NELL2: variants seen among roughly 807,000 people sequenced by gnomAD.
NELL2 encodes neural EGFL like 2.
Under a neutral mutation model 109.6 loss-of-function variants are expected in NELL2, and 41 were observed. The ratio of observed to expected loss-of-function variants is 0.37; its 90% CI spans 0.29 to 0.49. The LOEUF is 0.49. Ranked by LOEUF, NELL2 falls within the 20% of genes least tolerant of loss-of-function variation. The probability of loss-of-function intolerance (pLI) is 0.98; values close to 1 mark genes in which losing one functional copy is unlikely to be tolerated. For missense variants in NELL2, 900 were observed against 1,008.3 expected, an observed-to-expected ratio of 0.89 and a Z score of 1.45; for synonymous variants, 355 against 344.7, an observed-to-expected ratio of 1.03 and a Z score of -0.33.
intron 16 of NELL2, among the ~76,000 whole-genome samples, chr12:44,531,914 T>C (rs1268406175): frequency 6.6e-6 from 1 of 152,226 alleles, no homozygotes; most frequent in South Asian, 2.1e-4. Context: ...CTGCTTGCTC[T>C]GTCTGCCTGG....
chr12:44,833,879 GATTT>G (rs1369273838), intron 2 of NELL2, among the ~76,000 whole-genome samples: 2 of 152,280 alleles, frequency 1.3e-5, no homozygotes, highest in African/African-American at 4.8e-5. Context: ...AAGTTGTTAG[GATTT>G]AAAATCCTAT....
At chr12:44,641,225 G>A (rs1241650881) in intron 13 of NELL2, among the ~76,000 whole-genome samples, 1 of 152,116 alleles carries the variant, frequency 6.6e-6, no homozygotes, top group Non-Finnish European at 1.5e-5. Flanking sequence ...TCCAAAGCAC[G>A]AACCAGGAAC....
At chr12:44,877,521 T>C (rs1298948338), upstream of NELL2, among the ~76,000 whole-genome samples, 1 of 152,166 alleles carries the variant, frequency 6.6e-6, no homozygotes, top group East Asian at 1.9e-4. Context: ...GGGTACTGAA[T>C]TCTCCAACTG....
Position 44,855,190 on chromosome 12 carries a change from G to A in NELL2, c.184+20035C>T, listed in dbSNP as rs1174161711. Among the ~76,000 whole-genome samples, 4 of 152,204 alleles carry A rather than the reference G, an allele frequency of 2.6e-5. No individual in the cohort carries two copies. The South Asian group carries it at 6.2e-4, about 24-fold the overall frequency. ...ATTCAACAGCAATTGGTAGTTAGTGGCTACTGTATTGGAGAGCTCAGTTTG... is the reference window on the plus strand; with the variant it reads ...ATTCAACAGCAATTGGTAGTTAGTGACTACTGTATTGGAGAGCTCAGTTTG... On this transcript the variant is annotated intron_variant, in intron 2 of 19. Transcript: ENST00000429094.
chr12:44,626,296 C>G (rs375682176), intron 13 of NELL2, among the ~76,000 whole-genome samples: 4 of 152,164 alleles, frequency 2.6e-5, no homozygotes, highest in African/African-American at 9.7e-5. Context: ...TCTCTCTTCC[C>G]AATCACACTG....
chr12:44,912,668 C>T (rs1945792777), intron 1 of NELL2, among the ~76,000 whole-genome samples: 1 of 152,132 alleles, frequency 6.6e-6, no homozygotes, highest in Non-Finnish European at 1.5e-5. Flanking sequence ...TTATTTAGTA[C>T]CTTCTACATG....
chr12:44,901,061 AAGG>A (rs1433951199), intron 1 of NELL2, among the ~76,000 whole-genome samples: 1 of 152,174 alleles, frequency 6.6e-6, no homozygotes, highest in Non-Finnish European at 1.5e-5. Context: ...AGCAGAACTG[AAGG>A]AGGATAGAGA....
intron 9 of NELL2, among the ~76,000 whole-genome samples, chr12:44,748,694 G>C (rs765937815): frequency 6.6e-6 from 1 of 152,126 alleles, no homozygotes; most frequent in Admixed American, 6.6e-5. Flanking sequence ...CAGTCAGGCA[G>C]CTTTGGCTTA....
In NELL2 at chr12:44,703,947, A is replaced by G. The variant is rs1203943294; in HGVS notation, c.1190-93T>C. The G allele has an allele frequency of 2.7e-6, 3 of 1,091,464 alleles. No homozygotes were observed. The East Asian group carries it at 8.0e-5, about 29-fold the overall frequency. The allele number at this position is 1,091,464 out of a possible 1,614,324, so 67.6% of individuals were successfully genotyped here. The stretch of plus-strand genomic sequence containing the variant: ...TATTTTCTTTAATTTTGAAGCTATG[A>G]CTCCCTAAATAATTTTTTAATTAGT... On this transcript the variant is annotated intron_variant, in intron 11 of 19. Transcript: ENST00000429094.
chr12:44,799,763 C>T (rs1942769033), intron 3 of NELL2, among the ~76,000 whole-genome samples: 1 of 151,952 alleles, frequency 6.6e-6, no homozygotes, highest in East Asian at 1.9e-4. Flanking sequence ...ACATTTTATT[C>T]CAAGGCATTT....
rs544153318 is a variant in NELL2, at chr12:44,528,792, A to T, written c.1804+3789T>A. On this transcript the variant is annotated intron_variant, in intron 16 of 19. Coordinates refer to ENST00000429094, the MANE Select transcript of NELL2 (RefSeq NM_001145108.2). ...GTGAATAGAGTGTCAGAGGTGGGAG[A>T]CTATTTTAAATTAGCAGTCCAGGAG... 1.6e-3 allele frequency among the ~76,000 whole-genome samples: 246 copies of T among 152,336 alleles called. 2 individuals are homozygous for T. Among genetic ancestry groups the T allele is most frequent in the African/African-American group, 5.6e-3 (231 of 41,586 alleles).
chr12:44,541,586 A>T (rs1040758629), intron 15 of NELL2, among the ~76,000 whole-genome samples: 1 of 152,198 alleles, frequency 6.6e-6, no homozygotes, highest in African/African-American at 2.4e-5. Flanking sequence ...TCAGCTTCTG[A>T]TTAAAGAGAA....
upstream of NELL2, among the ~76,000 whole-genome samples, chr12:44,880,297 A>C (rs11182731): frequency 5.7e-3 from 863 of 152,182 alleles, 32 homozygotes; most frequent in East Asian, 0.12. Flanking sequence ...GTATGAGAAA[A>C]GAGTAGACAT....
At position 44,509,037 on chromosome 12, in the gene NELL2, T is replaced by C; in HGVS notation, c.2401-53A>G. ...ACAGTATGAATTTTTAAGCCATTAG[T>C]AAATGATCACATTTATTGATTGGTA... On this transcript the variant is annotated intron_variant, in intron 19 of 19. Coordinates refer to ENST00000429094, the MANE Select transcript of NELL2 (RefSeq NM_001145108.2). 4 of 1,445,854 alleles carry C rather than the reference T, an allele frequency of 2.8e-6. No individual in the cohort carries two copies. The South Asian group carries it at 4.7e-5, about 17-fold the overall frequency. The allele number at this position is 1,445,854 out of a possible 1,614,324, so 89.6% of individuals were successfully genotyped here.
At chr12:44,608,950 G>C (rs1945508100) in intron 14 of NELL2, among the ~76,000 whole-genome samples, 1 of 150,498 alleles carries the variant, frequency 6.6e-6, no homozygotes, top group African/African-American at 2.4e-5. Flanking sequence ...GACATACTAT[G>C]ATAAAGTTTA....
At chr12:44,887,636 T>TTGTGTGTGTGTGTGTGTG (rs141640366) in intron 1 of NELL2, among the ~76,000 whole-genome samples, 2 of 149,128 alleles carry the variant, frequency 1.3e-5, no homozygotes, top group African/African-American at 5.0e-5. Flanking sequence ...GGGGGGATTA[T>TTGTGTGTGTGTGTGTGTG]TGTGTGTGTG....
At chr12:44,890,893 G>A (rs2710450) in intron 1 of NELL2, among the ~76,000 whole-genome samples, 2,765 of 152,048 alleles carry the variant, frequency 0.018, 100 homozygotes, top group African/African-American at 0.063. Flanking sequence ...ATCATGCCAG[G>A]CTAATTTCTG....
intron 15 of NELL2, among the ~76,000 whole-genome samples, chr12:44,596,505 A>C (rs999537645): frequency 1.3e-5 from 2 of 152,170 alleles, no homozygotes; most frequent in African/African-American, 4.8e-5. Context: ...AGGTCATGAT[A>C]ATAGCTAACA....
chr12:44,602,439 A>C (rs1945255290), intron 15 of NELL2, among the ~76,000 whole-genome samples: 1 of 152,236 alleles, frequency 6.6e-6, no homozygotes, highest in South Asian at 2.1e-4. Context: ...TGTCTTTATT[A>C]CAGTAAAGTA....
Sources: gnomAD v4.1 joint callset for allele counts (sites outside exome capture counted in the v4.1 genomes callset) on GRCh38, gnomAD v4.1.1 for gene constraint, MANE v1.5 for transcripts, NCBI Gene and HGNC (gene_info 2026-07-23, HGNC 2026-07-21) for gene names.